PRUNE2: variants seen among roughly 807,000 people sequenced by gnomAD.
The protein encoded by PRUNE2 is prune homolog 2 with BCH domain.
Under a neutral mutation model 252.0 loss-of-function variants are expected in PRUNE2, and 164 were observed. That is an observed-to-expected ratio of 0.65 (90% CI 0.57 to 0.74). The LOEUF (loss-of-function observed/expected upper bound fraction) is 0.74, where lower values mean the gene tolerates loss of function less well. PRUNE2 is among the 30% of genes least tolerant of loss of function. The pLI is 0.00. For missense variants in PRUNE2, 3,495 were observed against 3,711.0 expected (o/e 0.94, Z 1.51); for synonymous variants, 1,292 against 1,350.2 (o/e 0.96, Z 0.94).
chr9:76,756,185 A>G (rs1011545884), intron 6 of PRUNE2, among the ~76,000 whole-genome samples: 1 of 152,180 alleles, frequency 6.6e-6, no homozygotes, highest in African/African-American at 2.4e-5. Context: ...TCCCCCAACT[A>G]ATGAGAGGTC....
At chr9:76,620,296 T>C (rs773599503) in intron 17 of PRUNE2, among the ~76,000 whole-genome samples, 52 of 152,106 alleles carry the variant, frequency 3.4e-4, no homozygotes, top group Non-Finnish European at 6.9e-4. Context: ...CATGCCACCA[T>C]GCCCGGCTAA....
intron 5 of PRUNE2, among the ~76,000 whole-genome samples, 197 bp from the exon 6 acceptor site, chr9:76,823,923 G>A (rs2058192535): frequency 6.6e-6 from 1 of 151,994 alleles, no homozygotes; most frequent in Admixed American, 6.6e-5. Context: ...GATCCCAATA[G>A]GAAAAATGCA....
At chr9:76,722,188 A>G (rs2047699744) in intron 6 of PRUNE2, among the ~76,000 whole-genome samples, 1 of 151,246 alleles carries the variant, frequency 6.6e-6, no homozygotes, top group Non-Finnish European at 1.5e-5. Flanking sequence ...TCTCCTGAGT[A>G]GCTGGGATTA....
chr9:76,755,864 G>C (rs978681830), intron 6 of PRUNE2, among the ~76,000 whole-genome samples: 1 of 152,026 alleles, frequency 6.6e-6, no homozygotes, highest in Non-Finnish European at 1.5e-5. Context: ...ACCACGCCCC[G>C]GTAAATTTTT....
chr9:76,624,537 C>T (rs1434768224), intron 16 of PRUNE2, 47 bp from the exon 17 acceptor site: 2 of 1,322,694 alleles, frequency 1.5e-6, no homozygotes, highest in East Asian at 2.7e-5. Flanking sequence ...AAAAGAGAAG[C>T]AAGCACAGCA....
intron 6 of PRUNE2, among the ~76,000 whole-genome samples, chr9:76,754,999 C>A (rs199577903): frequency 0.01 from 1,245 of 123,822 alleles, 7 homozygotes; most frequent in African/African-American, 0.021. Flanking sequence ...CCCAAAAAAA[C>A]AAAAGCAAAA....
chr9:76,834,006 C>A (rs2058820221), intron 4 of PRUNE2, among the ~76,000 whole-genome samples: 1 of 151,402 alleles, frequency 6.6e-6, no homozygotes, highest in South Asian at 2.1e-4. Flanking sequence ...CCTCAGCCTC[C>A]CGAGTAGCTA....
chr9:76,693,439 CTTTTTTTTT>C (rs550030416), intron 9 of PRUNE2, among the ~76,000 whole-genome samples: 1 of 108,060 alleles, frequency 9.3e-6, no homozygotes, highest in Admixed American at 1.0e-4. Context: ...AGCACCTACT[CTTTTTTTTT>C]TTTTTTTTTT....
At chr9:76,701,604 G>A (rs1016488077) in intron 9 of PRUNE2, among the ~76,000 whole-genome samples, 2 of 152,234 alleles carry the variant, frequency 1.3e-5, no homozygotes, top group South Asian at 2.1e-4. Context: ...TTCTGATAAC[G>A]GATCTGGGGT....
chr9:76,705,701 T>C lies in PRUNE2; in HGVS notation c.6573A>G (p.Glu2191=). The C allele has an allele frequency of 6.2e-7, 1 of 1,614,006 alleles. No individual in the cohort carries two copies. The highest frequency in any genetic ancestry group is 8.5e-7 in the Non-Finnish European group (1 of 1,179,900). The part of the protein sequence containing the change: ...SQPASHKGSP[E]PSEINGDNST... ...TGTTGTCACCGTTTATTTCAGAAGG[T>C]TCAGGTGAACCTTTATGAGAGGCGG... Residue 2191 remains glutamate, a synonymous_variant, in exon 8 of 19, where the codon GAA becomes GAG. Transcript: ENST00000376718.
At chr9:76,877,958 T>C (rs551561827) in intron 1 of PRUNE2, among the ~76,000 whole-genome samples, 8 of 152,108 alleles carry the variant, frequency 5.3e-5, no homozygotes, top group African/African-American at 1.9e-4. Context: ...TAGCAGGAAG[T>C]GGGGATTTAG....
At chr9:76,821,251 G>T (rs1589402673) in intron 6 of PRUNE2, among the ~76,000 whole-genome samples, 6 of 152,042 alleles carry the variant, frequency 3.9e-5, no homozygotes, top group Non-Finnish European at 7.4e-5. Context: ...GAACTAAGAA[G>T]GTTTCTTTGA....
chr9:76,770,660 G>C (rs1330912807), intron 6 of PRUNE2, among the ~76,000 whole-genome samples: 2 of 152,074 alleles, frequency 1.3e-5, no homozygotes, highest in African/African-American at 4.8e-5. Flanking sequence ...TAGGTTTATT[G>C]CAACAATTTG....
intron 1 of PRUNE2, chr9:76,863,223 A>G (rs2060648952): frequency 6.6e-6 from 1 of 152,222 alleles, no homozygotes; most frequent in South Asian, 2.1e-4. Context: ...GTCAAAGAAT[A>G]TATTTTAATG....
At position 76,706,595 on chromosome 9, in the gene PRUNE2, T is replaced by C; in HGVS notation, c.5679A>G (p.Ser1893=). The change falls in exon 8 of 19, where the codon TCA becomes TCG. Residue 1893 remains serine (S), a synonymous_variant. Coordinates refer to ENST00000376718, the MANE Select transcript of PRUNE2 (RefSeq NM_015225.3). ...TCTTCCCATTACCTTCCAGAAAGGG[T>C]GACTGATGGTTGTCACTAAAAGGAT... is the stretch of plus-strand genomic sequence containing the variant. ...YTNPFSDNHQ[S]PFLEGNGKNS... The C allele has an allele frequency of 6.2e-7, 1 of 1,613,916 alleles. No individual in the cohort carries two copies. Among genetic ancestry groups the C allele is most frequent in the South Asian group, 1.1e-5 (1 of 91,068 alleles).
chr9:76,906,013 A>T lies in PRUNE2; in HGVS notation c.-50T>A. ...GGGTACTCGGAGGGGCGCAGTGGAA[A>T]ATCTCGGCCCAAGGAAGACGAGCGG... On this transcript the variant is annotated 5_prime_UTR_variant, in exon 1 of 19. Coordinates refer to ENST00000376718, the MANE Select transcript of PRUNE2 (RefSeq NM_015225.3). The T allele has an allele frequency of 6.2e-7, 1 of 1,600,912 alleles. No individual in the cohort carries two copies. The highest frequency in any genetic ancestry group is 8.6e-7 in the Non-Finnish European group (1 of 1,168,390).
rs1286285341 is a variant in PRUNE2 at position 76,710,289 on chromosome 9, A to G, written c.1985T>C (p.Ile662Thr). 13 of 1,613,790 alleles carry G rather than the reference A, an allele frequency of 8.1e-6. No individual in the cohort carries two copies. Among genetic ancestry groups the G allele is most frequent in the Middle Eastern group, 1.6e-4 (1 of 6,084 alleles). Residue 662 changes from isoleucine to threonine, a missense_variant, in exon 8 of 19, where the codon ATT becomes ACT. Transcript: ENST00000376718. The stretch of plus-strand genomic sequence containing the variant: ...CGCATCTGCAATATTTTTGGAGTCA[A>G]TTTCCAAACCACCCCACCAGCTGCT... ...RCSSWWGGLEIDSKNIADAWS... is the reference protein window; with the variant it reads ...RCSSWWGGLETDSKNIADAWS...
At position 76,637,542 on chromosome 9, in the gene PRUNE2, T is replaced by C. The variant is rs751591430; in HGVS notation, c.8839A>G (p.Ile2947Val). 9 of 1,612,060 alleles carry C rather than the reference T, an allele frequency of 5.6e-6. No individual in the cohort carries two copies. Among genetic ancestry groups the C allele is most frequent in the Non-Finnish European group, 1.7e-6 (2 of 1,179,242 alleles). ...GCTACCATCAACTCTAAAGTACTTA[T>C]TACATATCTGATCACAGGAAGGAAG... ...YVMENLFLYV[I>V]STLELMVAED... Residue 2947 changes from isoleucine (I) to valine (V), a missense_variant, in exon 14 of 19, where the codon ATA becomes GTA. Ile to Val is a conservative substitution (Grantham distance 29). Coordinates refer to ENST00000376718, the MANE Select transcript of PRUNE2 (RefSeq NM_015225.3).
intron 9 of PRUNE2, chr9:76,692,018 T>C (rs2044799734): frequency 1.4e-6 from 1 of 716,012 alleles, no homozygotes; most frequent in East Asian, 2.7e-5. Flanking sequence ...ACACTCTCCA[T>C]CTCATTCTGT....
Sources: gnomAD v4.1 joint callset for allele counts (sites outside exome capture counted in the v4.1 genomes callset) on GRCh38, gnomAD v4.1.1 for gene constraint, MANE v1.5 for transcripts, NCBI Gene and HGNC (gene_info 2026-07-23, HGNC 2026-07-21) for gene names.